EVA1C: variants seen among roughly 807,000 people sequenced by gnomAD.
EVA1C encodes the protein protein eva-1 homolog C.
A neutral mutation model predicts 45.4 loss-of-function variants in EVA1C; 25 were observed. That is an observed-to-expected ratio of 0.55 (90% CI 0.40 to 0.77). EVA1C has a LOEUF of 0.77. Among genes scored for constraint, EVA1C ranks in the 30% least tolerant of loss-of-function variants. The pLI is 0.00. For synonymous variants in EVA1C, 190 were observed against 221.2 expected (o/e 0.86, Z 1.25); for missense variants, 479 against 554.8 (o/e 0.86, Z 1.37).
chr21:32,433,989 T>G (rs1382227340), intron 1 of EVA1C, among the ~76,000 whole-genome samples: 2 of 151,782 alleles, frequency 1.3e-5, no homozygotes, highest in Non-Finnish European at 2.9e-5. Context: ...AAGACCCCCA[T>G]CTCTGTTAAA....
intron 1 of EVA1C, among the ~76,000 whole-genome samples, chr21:32,431,011 C>A (rs1454494771): frequency 6.9e-6 from 1 of 145,918 alleles, no homozygotes; most frequent in East Asian, 2.1e-4. Flanking sequence ...TATTCAACGT[C>A]ATGAGAACAG....
intron 4 of EVA1C, among the ~76,000 whole-genome samples, chr21:32,494,043 G>T (rs1197786076): frequency 1.3e-5 from 2 of 152,076 alleles, no homozygotes; most frequent in Non-Finnish European, 2.9e-5. Flanking sequence ...CAGGTGATCT[G>T]CCTGCCTCCG....
At chr21:32,514,307 C>G (rs866219689) in intron 7 of EVA1C, among the ~76,000 whole-genome samples, 1 of 152,170 alleles carries the variant, frequency 6.6e-6, no homozygotes, top group Non-Finnish European at 1.5e-5. Context: ...ATATATACTT[C>G]GTACATAAGT....
chr21:32,421,536 T>C (rs531700479), intron 1 of EVA1C, among the ~76,000 whole-genome samples: 3 of 152,302 alleles, frequency 2.0e-5, no homozygotes, highest in South Asian at 4.1e-4. Flanking sequence ...TCATATTACC[T>C]TTACTGGGAA....
intron 1 of EVA1C, among the ~76,000 whole-genome samples, chr21:32,437,463 A>G (rs1341402264): frequency 6.6e-6 from 1 of 152,180 alleles, no homozygotes; most frequent in East Asian, 1.9e-4. Context: ...TCTGCACTGC[A>G]ATCCAACCAG....
rs540482361 is a variant in EVA1C, at chr21:32,448,240, C to T, written c.161-5072C>T. 3.3e-5 allele frequency among the ~76,000 whole-genome samples: 5 copies of T among 152,304 alleles called. No homozygotes were observed. The East Asian group carries it at 5.8e-4, about 18-fold the overall frequency. ...CTGCTGTCACCCAGCAGCCCATCCT[C>T]GTGGGACTGAGGCTGGCTACAGAAG... On this transcript the variant is annotated intron_variant, in intron 1 of 7. Transcript: ENST00000300255.
chr21:32,454,058 A>G (rs1317619173), intron 2 of EVA1C, among the ~76,000 whole-genome samples: 1 of 152,108 alleles, frequency 6.6e-6, no homozygotes, highest in East Asian at 1.9e-4. Flanking sequence ...GTGAAACCCC[A>G]TCTCTACTAA....
In EVA1C at chr21:32,495,466, T is replaced by A. The variant is rs534763519; in HGVS notation, c.778+296T>A. On this transcript the variant is annotated intron_variant, in intron 5 of 7. Coordinates refer to ENST00000300255, the MANE Select transcript of EVA1C (RefSeq NM_058187.5). ...AAGGAACAACCAAATAGGGGTAAACTGATGTCACTGAGACCAGTGATTTTC... is the reference window on the plus strand; with the variant it reads ...AAGGAACAACCAAATAGGGGTAAACAGATGTCACTGAGACCAGTGATTTTC... Among the ~76,000 whole-genome samples, 60 of 152,190 alleles carry A rather than the reference T, an allele frequency of 3.9e-4. 1 individual carries two copies. Among genetic ancestry groups the A allele is most frequent in the Non-Finnish European group, 7.3e-4 (50 of 68,030 alleles).
chr21:32,458,131 G>A (rs1437694359), intron 3 of EVA1C, among the ~76,000 whole-genome samples: 1 of 152,148 alleles, frequency 6.6e-6, no homozygotes, highest in Non-Finnish European at 1.5e-5. Flanking sequence ...GAGGCCCAGT[G>A]GCCCACTTGC....
At chr21:32,513,546 CTTTTCTTTTTTTT>C (rs1204231491) in intron 7 of EVA1C, among the ~76,000 whole-genome samples, 7 of 100,294 alleles carry the variant, frequency 7.0e-5, no homozygotes, top group African/African-American at 3.5e-4. Flanking sequence ...TAATATTTTT[CTTTTCTTTTTTTT>C]TTTTTTTTTT....
At chr21:32,448,731 AC>A (rs1364462500) in intron 1 of EVA1C, among the ~76,000 whole-genome samples, 1 of 151,662 alleles carries the variant, frequency 6.6e-6, no homozygotes, top group East Asian at 1.9e-4. Context: ...ATATGATGAA[AC>A]CCCAACTCTA....
intron 1 of EVA1C, among the ~76,000 whole-genome samples, chr21:32,432,906 G>A (rs1179079554): frequency 6.6e-6 from 1 of 151,374 alleles, no homozygotes; most frequent in Admixed American, 6.6e-5. Flanking sequence ...ATTTATTTTA[G>A]TTTTCTGTAG....
intron 7 of EVA1C, among the ~76,000 whole-genome samples, chr21:32,512,998 A>G (rs1216055172): frequency 6.6e-6 from 1 of 151,734 alleles, no homozygotes; most frequent in African/African-American, 2.4e-5. Context: ...TATAATACTT[A>G]CAATAATATA....
chr21:32,435,025 G>A (rs886128513), intron 1 of EVA1C, among the ~76,000 whole-genome samples: 2 of 152,302 alleles, frequency 1.3e-5, no homozygotes, highest in African/African-American at 2.4e-5. Context: ...TATCCATGAT[G>A]TCTGCAGCAC....
intron 4 of EVA1C, 170 bp downstream of exon 4, chr21:32,468,018 GTGTATGTATA>G: frequency 3.0e-6 from 1 of 337,680 alleles, no homozygotes; most frequent in Non-Finnish European, 5.0e-6. Context: ...CCGTGTGTGT[GTGTATGTATA>G]TATATATAAA....
At chr21:32,413,931 C>T (rs1459742997) in intron 1 of EVA1C, among the ~76,000 whole-genome samples, 1 of 152,204 alleles carries the variant, frequency 6.6e-6, no homozygotes, top group African/African-American at 2.4e-5. Context: ...CTGCCAAGTT[C>T]AGGCTTTGCA....
intron 1 of EVA1C, among the ~76,000 whole-genome samples, chr21:32,438,394 G>A (rs935573917): frequency 7.9e-5 from 12 of 151,374 alleles, no homozygotes; most frequent in African/African-American, 2.9e-4. Context: ...CTACTCGGGA[G>A]GCTGAGGCAG....
chr21:32,485,321 C>G (rs1470734627), intron 4 of EVA1C, among the ~76,000 whole-genome samples: 1 of 152,170 alleles, frequency 6.6e-6, no homozygotes, highest in African/African-American at 2.4e-5. Flanking sequence ...GCGTGCACCA[C>G]CACACCTGGC....
chr21:32,447,438 C>T (rs555442187), intron 1 of EVA1C, among the ~76,000 whole-genome samples: 29 of 152,154 alleles, frequency 1.9e-4, no homozygotes, highest in African/African-American at 7.0e-4. Context: ...TTTATCTGTA[C>T]ACATACATAT....
Sources: gnomAD v4.1 joint callset for allele counts (sites outside exome capture counted in the v4.1 genomes callset) on GRCh38, gnomAD v4.1.1 for gene constraint, MANE v1.5 for transcripts, NCBI Gene and HGNC (gene_info 2026-07-23, HGNC 2026-07-21) for gene names.